LHFPL2: variants seen among roughly 807,000 people sequenced by gnomAD.
The protein encoded by LHFPL2 is LHFPL tetraspan subfamily member 2.
A neutral mutation model predicts 17.5 loss-of-function variants in LHFPL2; 7 were observed. The observed-to-expected ratio is 0.40, with a 90% CI of 0.23 to 0.75. LHFPL2 has a LOEUF of 0.75. Ranked by LOEUF, LHFPL2 falls within the 30% of genes least tolerant of loss-of-function variation. LHFPL2 has a pLI of 0.37. For synonymous variants in LHFPL2, 134 were observed against 116.2 expected, an observed-to-expected ratio of 1.15 and a Z score of -0.99; for missense variants, 241 against 294.8, an observed-to-expected ratio of 0.82 and a Z score of 1.34.
At chr5:78,615,293 A>C (rs142120963) in intron 2 of LHFPL2, among the ~76,000 whole-genome samples, 1 of 152,202 alleles carries the variant, frequency 6.6e-6, no homozygotes, top group Non-Finnish European at 1.5e-5. Context: ...ATCAAAAGGC[A>C]GCAAGAAAAT....
At chr5:78,575,534 C>T (rs1158632909) in intron 2 of LHFPL2, among the ~76,000 whole-genome samples, 4 of 151,842 alleles carry the variant, frequency 2.6e-5, no homozygotes, top group Non-Finnish European at 2.9e-5. Flanking sequence ...GGTGACAGAG[C>T]GAGACTCCAT....
At chr5:78,628,413 G>C (rs546268562) in intron 2 of LHFPL2, among the ~76,000 whole-genome samples, 1 of 152,338 alleles carries the variant, frequency 6.6e-6, no homozygotes, top group South Asian at 2.1e-4. Context: ...GTTCTCCAGA[G>C]AGAATGTCTC....
At chr5:78,507,469 A>G (rs1301030568) in intron 4 of LHFPL2, among the ~76,000 whole-genome samples, 2 of 152,230 alleles carry the variant, frequency 1.3e-5, no homozygotes, top group Non-Finnish European at 2.9e-5. Context: ...AATATGTTGG[A>G]CTAATCCACA....
intron 4 of LHFPL2, among the ~76,000 whole-genome samples, chr5:78,501,603 G>A (rs1470817893): frequency 2.0e-5 from 3 of 152,150 alleles, no homozygotes; most frequent in Admixed American, 6.5e-5. Flanking sequence ...CTGTGTTGTC[G>A]AGGCTAGCAT....
chr5:78,507,941 T>TACACACACAC (rs10562386), intron 4 of LHFPL2, among the ~76,000 whole-genome samples: 9 of 148,460 alleles, frequency 6.1e-5, no homozygotes, highest in Non-Finnish European at 1.2e-4. Flanking sequence ...TACACATGCA[T>TACACACACAC]ACACACACAC....
intron 3 of LHFPL2, among the ~76,000 whole-genome samples, chr5:78,532,485 AAGAC>A (rs1355404571): frequency 2.0e-5 from 3 of 152,176 alleles, no homozygotes; most frequent in African/African-American, 7.2e-5. Flanking sequence ...ATGAAGCAGA[AAGAC>A]AGAAAGAGCC....
chr5:78,503,700 A>AAAACAAAC (rs34477429), intron 4 of LHFPL2, among the ~76,000 whole-genome samples: 9 of 151,622 alleles, frequency 5.9e-5, no homozygotes, highest in East Asian at 3.9e-4. Flanking sequence ...CTCCATCTCA[A>AAAACAAAC]AAACAAACAA....
chr5:78,555,271 T>C (rs941145909), intron 3 of LHFPL2, among the ~76,000 whole-genome samples: 4 of 152,234 alleles, frequency 2.6e-5, no homozygotes, highest in Non-Finnish European at 5.9e-5. Context: ...AAAAACTTAA[T>C]TTCTATAAAT....
At chr5:78,609,766 A>T (rs561181661) in intron 2 of LHFPL2, among the ~76,000 whole-genome samples, 116 of 152,118 alleles carry the variant, frequency 7.6e-4, no homozygotes, top group African/African-American at 2.4e-3. Context: ...TACAATAAGC[A>T]CTTTCTCTTT....
At chr5:78,524,913 C>A (rs1314789542) in intron 3 of LHFPL2, among the ~76,000 whole-genome samples, 1 of 152,112 alleles carries the variant, frequency 6.6e-6, no homozygotes, top group Non-Finnish European at 1.5e-5. Flanking sequence ...ATTAAAACTT[C>A]AGAACATTGT....
At chr5:78,507,175 C>A (rs144689191) in intron 4 of LHFPL2, among the ~76,000 whole-genome samples, 1,892 of 151,974 alleles carry the variant, frequency 0.012, 41 homozygotes, top group African/African-American at 0.043. Context: ...ACTAAAAATA[C>A]AAAAATTAGC....
rs184715929 is a variant in LHFPL2 at position 78,563,985 on chromosome 5, A to C, written c.-186+828T>G. ...TTTCCTTCCCTAGAATCTGCAAGCT[A>C]AAAGACTTTTCTACAAATGAGACGG... On this transcript the variant is annotated intron_variant, in intron 3 of 4. Coordinates refer to ENST00000380345, the MANE Select transcript of LHFPL2 (RefSeq NM_005779.3). Among the ~76,000 whole-genome samples the C allele has an allele frequency of 4.6e-5, 7 of 152,340 alleles. No homozygotes were observed. The East Asian group carries it at 1.2e-3, about 25-fold the overall frequency.
intron 1 of LHFPL2, among the ~76,000 whole-genome samples, chr5:78,635,096 G>A (rs1158540151): frequency 6.6e-6 from 1 of 152,130 alleles, no homozygotes; most frequent in African/African-American, 2.4e-5. Flanking sequence ...GTCGGTTCTG[G>A]TTTACTCCGA....
chr5:78,585,287 G>A lies in LHFPL2; in HGVS notation c.-244-20416C>T, dbSNP rs533517570. ...CTCCCAAAGTGCTGGGATTACAGGC[G>A]TGAGCCACCGCGCCCGGCCTGGTGC... On this transcript the variant is annotated intron_variant, in intron 2 of 4. Transcript: ENST00000380345. Among the ~76,000 whole-genome samples the A allele has an allele frequency of 1.9e-4, 15 of 79,964 alleles. 6 individuals carry two copies. The East Asian group carries it at 3.5e-3, about 19-fold the overall frequency. 52.5% of individuals were successfully genotyped at this position (79,964 alleles called of 152,430 possible). A position where few individuals can be genotyped will look rare whatever the true frequency, so the allele number is the denominator to read the frequency against.
chr5:78,548,351 T>C (rs1756347306), intron 3 of LHFPL2, among the ~76,000 whole-genome samples: 1 of 152,204 alleles, frequency 6.6e-6, no homozygotes, highest in South Asian at 2.1e-4. Flanking sequence ...TCCCAAGCAC[T>C]TGCCTGTCCA....
intron 4 of LHFPL2, among the ~76,000 whole-genome samples, chr5:78,508,002 G>A (rs1378637960): frequency 2.0e-5 from 3 of 151,078 alleles, no homozygotes; most frequent in Non-Finnish European, 4.4e-5. Flanking sequence ...GTGTGTCCAA[G>A]GAGAATAAAG....
chr5:78,548,666 G>A (rs1342844264), intron 3 of LHFPL2, among the ~76,000 whole-genome samples: 1 of 152,122 alleles, frequency 6.6e-6, no homozygotes, highest in Non-Finnish European at 1.5e-5. Flanking sequence ...CTGTTGCTGG[G>A]GGCAGCTATG....
intron 2 of LHFPL2, among the ~76,000 whole-genome samples, chr5:78,631,158 A>G (rs372049741): frequency 1.1e-4 from 17 of 152,356 alleles, no homozygotes; most frequent in African/African-American, 4.1e-4. Flanking sequence ...ACTGAGGCAT[A>G]TTTTAATCTC....
At chr5:78,603,493 C>T (rs1308092368) in intron 2 of LHFPL2, among the ~76,000 whole-genome samples, 4 of 152,142 alleles carry the variant, frequency 2.6e-5, no homozygotes, top group Non-Finnish European at 5.9e-5. Flanking sequence ...ATGAGAGCTA[C>T]GAATGAGTCC....
Sources: gnomAD v4.1 joint callset for allele counts (sites outside exome capture counted in the v4.1 genomes callset) on GRCh38, gnomAD v4.1.1 for gene constraint, MANE v1.5 for transcripts, NCBI Gene and HGNC (gene_info 2026-07-23, HGNC 2026-07-21) for gene names.